NUDT5: variants seen among roughly 807,000 people sequenced by gnomAD.
NUDT5 encodes the protein ADP-sugar pyrophosphatase.
A neutral mutation model predicts 34.1 loss-of-function variants in NUDT5; 21 were observed. The observed-to-expected ratio is 0.62, with a 90% CI of 0.44 to 0.89. The LOEUF (loss-of-function observed/expected upper bound fraction) is 0.89, where lower values mean the gene tolerates loss of function less well. Among genes scored for constraint, NUDT5 ranks in the 40% least tolerant of loss-of-function variants. NUDT5 has a pLI of 0.00. For synonymous variants in NUDT5, 85 were observed against 97.6 expected, an observed-to-expected ratio of 0.87 and a Z score of 0.76; for missense variants, 249 against 274.8, an observed-to-expected ratio of 0.91 and a Z score of 0.66.
rs1038961050 is a variant in NUDT5 at position 12,184,375 on chromosome 10, A to T, written c.131+514T>A. ...CACACCTGGCCCTTAACACTTTGTT[A>T]AAACTGGGATTACTCGGTCAAAGGG... On this transcript the variant is annotated intron_variant, in intron 3 of 9. Coordinates refer to ENST00000491614, the MANE Select transcript of NUDT5 (RefSeq NM_014142.4). 19 of 799,672 alleles carry T rather than the reference A, an allele frequency of 2.4e-5. No homozygotes were observed. In the Admixed American group the frequency reaches 4.4e-4, roughly 18 times the overall value. 49.5% of individuals were successfully genotyped at this position (799,672 alleles called of 1,614,324 possible). A position where few individuals can be genotyped will look rare whatever the true frequency, so the allele number is the denominator to read the frequency against.
rs1308539515 is a variant in NUDT5 at position 12,187,079 on chromosome 10, T to TTGGA, written c.-41-751_-41-748dup. 2.0e-5 allele frequency among the ~76,000 whole-genome samples: 3 copies of TTGGA among 151,958 alleles called. No homozygotes were observed. Among genetic ancestry groups the TTGGA allele is most frequent in the African/African-American group, 7.3e-5 (3 of 41,358 alleles). ...GTAAGATCTCACTCTGTTGCACAGG[T>TTGGA]TGGAGTGCAGTGGCGAAATCATGGC... On this transcript the variant is annotated intron_variant, in intron 1 of 9. Coordinates refer to ENST00000491614, the MANE Select transcript of NUDT5 (RefSeq NM_014142.4). The surrounding 1 kb of genome is among the most constrained non-coding windows in gnomAD (Gnocchi z 5.4).
intron 1 of NUDT5, among the ~76,000 whole-genome samples, chr10:12,192,824 C>A (rs1835255686): frequency 6.6e-6 from 1 of 151,972 alleles, no homozygotes; most frequent in Non-Finnish European, 1.5e-5. Flanking sequence ...GCATTCCAGC[C>A]TGGGCGACAG....
At chr10:12,188,431 A>G (rs1168969377) in intron 1 of NUDT5, among the ~76,000 whole-genome samples, 2 of 152,230 alleles carry the variant, frequency 1.3e-5, no homozygotes, top group East Asian at 3.8e-4. Flanking sequence ...ATGTTTTAGG[A>G]AAGTGGCGGT....
At position 12,167,400 on chromosome 10, in the gene NUDT5, C is replaced by G. The variant is rs2280619; in HGVS notation, c.*302G>C. ...TATTTCTCTATACAAATACCCCTGT[C>G]TACCAGACTGGACTAGAAAAGTAAC... On this transcript the variant is annotated 3_prime_UTR_variant, in exon 10 of 10. Transcript: ENST00000491614. 0.41 allele frequency: 117,831 copies of G among 289,824 alleles called. 24,523 individuals carry two copies. Among genetic ancestry groups the G allele is most frequent in the East Asian group, 0.5 (5,086 of 10,120 alleles). 18.0% of individuals were successfully genotyped at this position (289,824 alleles called of 1,614,324 possible).
At chr10:12,190,868 C>T (rs968780224) in intron 1 of NUDT5, among the ~76,000 whole-genome samples, 2 of 152,032 alleles carry the variant, frequency 1.3e-5, no homozygotes, top group Non-Finnish European at 2.9e-5. Flanking sequence ...CTCGGCCTCC[C>T]ACAGCACTGG....
At chr10:12,188,096 G>A (rs1917134) in intron 1 of NUDT5, among the ~76,000 whole-genome samples, 150,289 of 152,240 alleles carry the variant, frequency 0.99, 74,220 homozygotes, top group East Asian at 1. Flanking sequence ...CCGAGATCAC[G>A]CCACTGCACT....
At position 12,175,451 on chromosome 10, in the gene NUDT5, G is replaced by C. The variant is rs1447865180; in HGVS notation, c.290-1638C>G. On this transcript the variant is annotated intron_variant, in intron 5 of 9. Transcript: ENST00000491614. The surrounding 1 kb of genome is among the most constrained non-coding windows in gnomAD (Gnocchi z 4.8). The stretch of plus-strand genomic sequence containing the variant: ...ACTTGAGGCCAGGAGTTTGGGGCCA[G>C]CCTGGGTGACAAAGCAAAACCCCAT... Among the ~76,000 whole-genome samples, 3 of 151,994 alleles carry C rather than the reference G, an allele frequency of 2.0e-5. No individual in the cohort carries two copies. The highest frequency in any genetic ancestry group is 4.4e-5 in the Non-Finnish European group (3 of 68,006).
chr10:12,192,964 AG>A (rs759830770), intron 1 of NUDT5, among the ~76,000 whole-genome samples: 3 of 151,146 alleles, frequency 2.0e-5, no homozygotes, highest in Non-Finnish European at 4.4e-5. Flanking sequence ...CATTCTCTTC[AG>A]GTGTGGCAGT....
In NUDT5 at chr10:12,173,337, T is replaced by C. The variant is rs1198930479; in HGVS notation, c.385+381A>G. Among the ~76,000 whole-genome samples the C allele has an allele frequency of 3.9e-5, 6 of 152,118 alleles. No homozygotes were observed. Among genetic ancestry groups the C allele is most frequent in the African/African-American group, 4.8e-5 (2 of 41,410 alleles). ...AATTCTCCTGCCTCAGCCTCCCGAGTAGCTGGGATCACAGGTGTGCGCCAC... is the reference window on the plus strand; with the variant it reads ...AATTCTCCTGCCTCAGCCTCCCGAGCAGCTGGGATCACAGGTGTGCGCCAC... On this transcript the variant is annotated intron_variant, in intron 6 of 9. Coordinates refer to ENST00000491614, the MANE Select transcript of NUDT5 (RefSeq NM_014142.4). The surrounding 1 kb of genome is among the most constrained non-coding windows in gnomAD (Gnocchi z 4.7).
Position 12,170,617 on chromosome 10 carries a change from CA to C in NUDT5, c.550+99del. 1 of 1,153,106 alleles carries C rather than the reference CA, an allele frequency of 8.7e-7. No homozygotes were observed. The highest frequency in any genetic ancestry group is 1.3e-6 in the Non-Finnish European group (1 of 767,906). The allele number at this position is 1,153,106 out of a possible 1,614,324, so 71.4% of individuals were successfully genotyped here. ...TGCTAGGCATTTGACTTTAGTGATA[CA>C]AAAAAGATAAAGAAATGGAGTTATA... On this transcript the variant is annotated intron_variant, in intron 9 of 9. Coordinates refer to ENST00000491614, the MANE Select transcript of NUDT5 (RefSeq NM_014142.4). This position sits in a 1 kb window ranked among gnomAD's most constrained non-coding sequence, Gnocchi z 4.9.
Position 12,171,740 on chromosome 10 carries a change from T to TTTG in NUDT5, c.488-833_488-832insCAA, listed in dbSNP as rs1267400493. On this transcript the variant is annotated intron_variant, in intron 7 of 9. Transcript: ENST00000491614. The surrounding 1 kb of genome is among the most constrained non-coding windows in gnomAD (Gnocchi z 4.2). ...ATTTATTTATTTATTTATTTATTTT[T>TTTG]TGGAGACAGGGTCTCAGTCTGTTGC... 6.6e-6 allele frequency among the ~76,000 whole-genome samples: 1 copy of TTTG among 150,790 alleles called. No individual in the cohort carries two copies. The highest frequency in any genetic ancestry group is 2.4e-5 in the African/African-American group (1 of 41,040).
At chr10:12,194,980 T>C (rs1009286266) in intron 1 of NUDT5, among the ~76,000 whole-genome samples, 3 of 152,038 alleles carry the variant, frequency 2.0e-5, no homozygotes, top group Admixed American at 6.5e-5. Flanking sequence ...CTGGCAAATA[T>C]GGTGAAACGC....
intron 1 of NUDT5, among the ~76,000 whole-genome samples, chr10:12,189,516 T>G (rs764532393): frequency 1.3e-5 from 2 of 152,228 alleles, no homozygotes; most frequent in Non-Finnish European, 2.9e-5. Flanking sequence ...AAGAGCATAT[T>G]CTTAACTATG....
rs929648760 is a variant in NUDT5, at chr10:12,175,522, G to C, written c.290-1709C>G. On this transcript the variant is annotated intron_variant, in intron 5 of 9. Transcript: ENST00000491614. This position sits in a 1 kb window ranked among gnomAD's most constrained non-coding sequence, Gnocchi z 4.8. ...TCGAATGCGGTGATGCACGCCTGCAGACCCAGCTACCCAGGAAGCCAAGGC... is the reference window on the plus strand; with the variant it reads ...TCGAATGCGGTGATGCACGCCTGCACACCCAGCTACCCAGGAAGCCAAGGC... 1.5e-4 allele frequency among the ~76,000 whole-genome samples: 23 copies of C among 151,484 alleles called. No homozygotes were observed. Among genetic ancestry groups the C allele is most frequent in the Non-Finnish European group, 2.8e-4 (19 of 67,918 alleles).
Position 12,166,669 on chromosome 10 carries a change from G to C in NUDT5, c.*1033C>G. Reference sequence around the variant, plus strand: ...CAGGCTAGAAACATGACTTAGGGCTGGATGAGAATCATCCTGAGAATTCCG... The same window carrying C: ...CAGGCTAGAAACATGACTTAGGGCTCGATGAGAATCATCCTGAGAATTCCG... On this transcript the variant is annotated 3_prime_UTR_variant, in exon 10 of 10. Transcript: ENST00000491614. 4.1e-6 allele frequency: 2 copies of C among 488,880 alleles called. No individual in the cohort carries two copies. The highest frequency in any genetic ancestry group is 8.4e-6 in the Non-Finnish European group (2 of 237,792). The allele number at this position is 488,880 out of a possible 1,614,324, so 30.3% of individuals were successfully genotyped here.
chr10:12,194,001 C>G (rs754901408), intron 1 of NUDT5, among the ~76,000 whole-genome samples: 2 of 152,128 alleles, frequency 1.3e-5, no homozygotes, highest in Non-Finnish European at 2.9e-5. Context: ...CTCAGCCTCC[C>G]GAGTAGCTGG....
chr10:12,170,543 T>C lies in NUDT5; in HGVS notation c.550+174A>G. The C allele has an allele frequency of 2.9e-6, 2 of 692,906 alleles. No individual in the cohort carries two copies. The highest frequency in any genetic ancestry group is 5.0e-6 in the Non-Finnish European group (2 of 400,832). The allele number at this position is 692,906 out of a possible 1,614,324, so 42.9% of individuals were successfully genotyped here. The stretch of plus-strand genomic sequence containing the variant: ...GCTTTGCTCTTATTTTCAAACTCTG[T>C]GCCACCCAGAAAGGAAAATTAGTAG... On this transcript the variant is annotated intron_variant, in intron 9 of 9. Coordinates refer to ENST00000491614, the MANE Select transcript of NUDT5 (RefSeq NM_014142.4). The surrounding 1 kb of genome is among the most constrained non-coding windows in gnomAD (Gnocchi z 4.9).
chr10:12,184,555 AT>A (rs1835095859), intron 3 of NUDT5: 6 of 1,515,170 alleles, frequency 4.0e-6, no homozygotes, highest in Non-Finnish European at 5.4e-6. Context: ...TTAAAAACAG[AT>A]TTTACTAGAA....
chr10:12,167,420 AG>A lies in NUDT5; in HGVS notation c.*281del. On this transcript the variant is annotated 3_prime_UTR_variant, in exon 10 of 10. Coordinates refer to ENST00000491614, the MANE Select transcript of NUDT5 (RefSeq NM_014142.4). ...CCTGTCTACCAGACTGGACTAGAAA[AG>A]TAACTGAGCTGTAGTTAACTGCTGT... The A allele has an allele frequency of 3.0e-6, 1 of 328,568 alleles. No homozygotes were observed. Among genetic ancestry groups the A allele is most frequent in the South Asian group, 3.1e-5 (1 of 32,040 alleles). The allele number at this position is 328,568 out of a possible 1,614,324, so 20.4% of individuals were successfully genotyped here. A position where few individuals can be genotyped will look rare whatever the true frequency, so the allele number is the denominator to read the frequency against.
Sources: allele counts gnomAD v4.1 joint callset (sites outside exome capture counted in the v4.1 genomes callset), GRCh38; gene constraint gnomAD v4.1.1; non-coding constraint Gnocchi (gnomAD v3.1); transcripts MANE v1.5; gene names NCBI Gene and HGNC (gene_info 2026-07-23, HGNC 2026-07-21).